Variants in ANKRD30A observed in about 807,000 individuals in gnomAD.
The protein encoded by ANKRD30A is ankyrin repeat domain 30A.
Under a neutral mutation model 166.3 loss-of-function variants are expected in ANKRD30A, and 170 were observed. That is an observed-to-expected ratio of 1.02 (90% CI 0.90 to 1.16). The LOEUF is 1.16. Among genes scored for constraint, ANKRD30A ranks in the 50% most tolerant of loss-of-function variants. ANKRD30A has a pLI of 0.00. For synonymous variants in ANKRD30A, 564 were observed against 508.9 expected (o/e 1.11, Z -1.46); for missense variants, 1,630 against 1,518.0 (o/e 1.07, Z -1.23).
chr10:37,257,335 C>T, the ANKRD30A span, among the ~76,000 whole-genome samples: 1 of 143,530 alleles, frequency 7.0e-6, no homozygotes, highest in African/African-American at 2.6e-5. Flanking sequence ...TTAATCTTTT[C>T]AAAAAAAAAA....
chr10:37,162,702 T>G, intron 16 of ANKRD30A, 25 bp downstream of exon 16: 1 of 1,613,074 alleles, frequency 6.2e-7, no homozygotes, highest in East Asian at 2.2e-5. Flanking sequence ...GATTTCATTT[T>G]GAATGACTTA....
intron 1 of ANKRD30A, among the ~76,000 whole-genome samples, chr10:37,128,546 TTTA>T (rs1353698947): frequency 2.0e-5 from 3 of 152,134 alleles, no homozygotes; most frequent in Admixed American, 6.5e-5. Context: ...TTAGTGTAGT[TTTA>T]TTATTAGAAA....
At chr10:37,201,186 T>G in intron 30 of ANKRD30A, 49 bp from the exon 31 acceptor site, 4 of 1,369,284 alleles carry the variant, frequency 2.9e-6, no homozygotes, top group Non-Finnish European at 4.0e-6. Flanking sequence ...ATAATCTTCA[T>G]TATTAGGATT....
At chr10:37,147,319 C>T in intron 8 of ANKRD30A, 51 bp from the exon 9 acceptor site, 2 of 1,366,528 alleles carry the variant, frequency 1.5e-6, no homozygotes. Context: ...TAGGAATTTT[C>T]ATGCTTATGA....
rs776548211 is a variant in ANKRD30A at position 37,183,345 on chromosome 10, AG to A, written c.2422-6120del. 7.6e-5 allele frequency among the ~76,000 whole-genome samples: 11 copies of A among 144,048 alleles called. No homozygotes were observed. The East Asian group carries it at 2.3e-3, about 30-fold the overall frequency. The allele number at this position is 144,048 out of a possible 152,430, so 94.5% of individuals were successfully genotyped here. On this transcript the variant is annotated intron_variant, in intron 24 of 35. Coordinates refer to ENST00000361713, the MANE Select transcript of ANKRD30A (RefSeq NM_052997.3). ...TAGGAAAAACATTATGTGAACTATT[AG>A]GCCCCCGGTGTATTTGTTGAACTTC...
Position 37,216,229 on chromosome 10 carries a change from G to A in ANKRD30A, c.2918G>A (p.Arg973Lys), listed in dbSNP as rs376116213. The A allele has an allele frequency of 2.2e-5, 36 of 1,607,458 alleles. No individual in the cohort carries two copies. In the African/African-American group the frequency reaches 4.4e-4, roughly 20 times the overall value. Residue 973 changes from arginine to lysine, a missense_variant, in exon 32 of 36, where the codon AGA becomes AAA. Coordinates refer to ENST00000361713, the MANE Select transcript of ANKRD30A (RefSeq NM_052997.3). ...KILDTVHSCE[R>K]ARELQKDHCE... ...TTGGATACAGTTCATTCTTGTGAAA[G>A]AGCAAGGGAACTTCAAAAAGATCAC...
At position 37,142,123 on chromosome 10, in the gene ANKRD30A, C is replaced by G. The variant is rs1837184455; in HGVS notation, c.1226C>G (p.Ala409Gly). The G allele has an allele frequency of 1.9e-6, 3 of 1,613,696 alleles. No homozygotes were observed. The highest frequency in any genetic ancestry group is 2.7e-5 in the African/African-American group (2 of 74,880). ...AKETSEKFTW[A>G]AKGRPRKIAW... is the part of the protein sequence containing the mutation. The stretch of plus-strand genomic sequence containing the variant: ...GAAACATCTGAGAAATTTACGTGGG[C>G]AGCAAAAGGAAGACCTAGGAAGATC... The change falls in exon 7 of 36, where the codon GCA (alanine) becomes GGA (glycine). Residue 409 changes from alanine (A) to glycine (G), a missense_variant. Transcript: ENST00000361713.
At chr10:37,229,662 G>A (rs1404813321) in intron 34 of ANKRD30A, among the ~76,000 whole-genome samples, 1 of 151,800 alleles carries the variant, frequency 6.6e-6, no homozygotes, top group Admixed American at 6.6e-5. Context: ...TCAAGCTTCA[G>A]CTTCTTTTTC....
At chr10:37,205,582 A>C (rs1168604574) in intron 31 of ANKRD30A, among the ~76,000 whole-genome samples, 2 of 152,252 alleles carry the variant, frequency 1.3e-5, no homozygotes, top group African/African-American at 4.8e-5. Flanking sequence ...GATGTACTCT[A>C]GAACTTAATG....
At chr10:37,222,770 A>G (rs1842955977) in intron 34 of ANKRD30A, among the ~76,000 whole-genome samples, 1 of 151,268 alleles carries the variant, frequency 6.6e-6, no homozygotes, top group African/African-American at 2.4e-5. Context: ...TCTGACTCTC[A>G]TTGACCTTAT....
At position 37,153,476 on chromosome 10, in the gene ANKRD30A, T is replaced by A. The variant is rs568906899; in HGVS notation, c.1708-96T>A. 100 of 1,562,014 alleles carry A rather than the reference T, an allele frequency of 6.4e-5. No homozygotes were observed. In the African/African-American group the frequency reaches 1.4e-3, roughly 21 times the overall value. On this transcript the variant is annotated intron_variant, in intron 12 of 35. Transcript: ENST00000361713. ...GTCGAATTGTTTGCAAAGGAGGAAA[T>A]TGTGTTTTTAAAAAAGAATTTAATT... is the stretch of plus-strand genomic sequence containing the variant.
intron 13 of ANKRD30A, among the ~76,000 whole-genome samples, chr10:37,156,695 C>G (rs1200909201): frequency 6.6e-6 from 1 of 152,142 alleles, no homozygotes; most frequent in Admixed American, 6.5e-5. Context: ...GTATTTCTCA[C>G]AGTTTTACCT....
the ANKRD30A span, among the ~76,000 whole-genome samples, chr10:37,241,527 A>G: frequency 1.3e-5 from 2 of 152,060 alleles, no homozygotes; most frequent in Non-Finnish European, 2.9e-5. Flanking sequence ...TGAGTTTTAC[A>G]TACTCAAATG....
At chr10:37,260,215 T>G in the ANKRD30A span, among the ~76,000 whole-genome samples, 2 of 152,180 alleles carry the variant, frequency 1.3e-5, no homozygotes, top group Non-Finnish European at 2.9e-5. Context: ...GGCCAGTTAC[T>G]AAAAAGTAAA....
At chr10:37,196,539 T>G (rs1310796403) in intron 27 of ANKRD30A, among the ~76,000 whole-genome samples, 1 of 152,130 alleles carries the variant, frequency 6.6e-6, no homozygotes, top group Non-Finnish European at 1.5e-5. Context: ...ACTTCAAAAA[T>G]AAGATTGCTT....
At chr10:37,144,044 T>G (rs1306231108) in intron 7 of ANKRD30A, among the ~76,000 whole-genome samples, 1 of 152,142 alleles carries the variant, frequency 6.6e-6, no homozygotes, top group African/African-American at 2.4e-5. Context: ...GGTCTTTCTT[T>G]GCCGTTATTT....
intron 24 of ANKRD30A, among the ~76,000 whole-genome samples, chr10:37,183,703 C>T (rs1443785477): frequency 4.1e-5 from 6 of 148,106 alleles, no homozygotes; most frequent in Admixed American, 6.8e-5. Flanking sequence ...AAATTCTCCA[C>T]GGCTTCACAT....
chr10:37,158,519 C>A lies in ANKRD30A; in HGVS notation c.1833C>A (p.Thr611=). ...TTGTTTCCAAACCCATTTAGGCTACCTGCGGAATGAAAGTTTCTATTCCAA... is the reference window on the plus strand; with the variant it reads ...TTGTTTCCAAACCCATTTAGGCTACATGCGGAATGAAAGTTTCTATTCCAA... ...SPNKDGLLKA[T]CGMKVSIPTK... is the part of the protein sequence containing the mutation. The change falls in exon 15 of 36, where the codon ACC becomes ACA. Residue 611 remains threonine (T), a synonymous_variant. Coordinates refer to ENST00000361713, the MANE Select transcript of ANKRD30A (RefSeq NM_052997.3). 1 of 1,613,370 alleles carries A rather than the reference C, an allele frequency of 6.2e-7. No individual in the cohort carries two copies.
intron 25 of ANKRD30A, among the ~76,000 whole-genome samples, chr10:37,190,746 A>G (rs1210943376): frequency 6.6e-6 from 1 of 151,794 alleles, no homozygotes; most frequent in Non-Finnish European, 1.5e-5. Flanking sequence ...TACTGGAATC[A>G]TGAGGATTAC....
Sources: gnomAD v4.1 joint callset for allele counts (sites outside exome capture counted in the v4.1 genomes callset) on GRCh38, gnomAD v4.1.1 for gene constraint, MANE v1.5 for transcripts, NCBI Gene and HGNC (gene_info 2026-07-23, HGNC 2026-07-21) for gene names.